Variants in ACACA observed in about 807,000 individuals in gnomAD.
ACACA encodes acetyl-CoA carboxylase alpha.
Under a neutral mutation model 296.1 loss-of-function variants are expected in ACACA, and 103 were observed. That is an observed-to-expected ratio of 0.35 (90% CI 0.30 to 0.41). The LOEUF is 0.41. Ranked by LOEUF, ACACA falls within the 10% of genes least tolerant of loss-of-function variation. ACACA has a pLI of 1.00. For missense variants in ACACA, 1,554 were observed against 2,989.7 expected (o/e 0.52, Z 11.20); for synonymous variants, 953 against 1,038.6 (o/e 0.92, Z 1.58).
At chr17:37,196,911 A>G (rs1049373610) in intron 35 of ACACA, among the ~76,000 whole-genome samples, 6 of 152,104 alleles carry the variant, frequency 3.9e-5, no homozygotes, top group East Asian at 1.9e-4. Context: ...CTTAACAAGT[A>G]GAATATATTT....
intron 24 of ACACA, among the ~76,000 whole-genome samples, chr17:37,235,975 A>G (rs1224475291): frequency 1.3e-5 from 2 of 152,174 alleles, no homozygotes; most frequent in African/African-American, 4.8e-5. Context: ...AAAACAGCTT[A>G]CCTCAGAATT....
intron 34 of ACACA, 99 bp downstream of exon 34, chr17:37,200,328 A>T (rs2078188415): frequency 7.2e-7 from 1 of 1,389,370 alleles, no homozygotes; most frequent in Admixed American, 1.7e-5. Context: ...ATTTCTCTGC[A>T]TAAATCCTAT....
chr17:37,130,013 T>G, intron 46 of ACACA, 62 bp downstream of exon 46: 554 of 1,588,846 alleles, frequency 3.5e-4, no homozygotes, highest in Non-Finnish European at 4.3e-4. Flanking sequence ...ACAGAGGCAG[T>G]GAGCTGTGGT....
At chr17:37,233,992 G>T (rs1053714310) in intron 25 of ACACA, among the ~76,000 whole-genome samples, 1 of 152,206 alleles carries the variant, frequency 6.6e-6, no homozygotes, top group African/African-American at 2.4e-5. Context: ...AACTGAATGA[G>T]TGGCACTCTT....
At chr17:37,389,380 G>C in intron 1 of ACACA, 3 of 1,562,002 alleles carry the variant, frequency 1.9e-6, no homozygotes, top group Non-Finnish European at 2.6e-6. Flanking sequence ...TTCTCTGTGT[G>C]GTTTATGTCA....
chr17:37,233,890 A>C (rs1185001780), intron 25 of ACACA, among the ~76,000 whole-genome samples: 1 of 152,138 alleles, frequency 6.6e-6, no homozygotes, highest in Admixed American at 6.5e-5. Flanking sequence ...CTAGGGTAGC[A>C]AAGGCAATGA....
intron 54 of ACACA, among the ~76,000 whole-genome samples, chr17:37,094,587 C>T (rs531740783): frequency 8.2e-6 from 1 of 122,240 alleles, no homozygotes; most frequent in South Asian, 2.9e-4. Flanking sequence ...CCCCCCCCCA[C>T]ACCAAACAGC....
At chr17:37,160,986 G>T (rs533038815) in intron 42 of ACACA, among the ~76,000 whole-genome samples, 3 of 152,196 alleles carry the variant, frequency 2.0e-5, no homozygotes, top group African/African-American at 7.2e-5. Flanking sequence ...GCTGAGCTAG[G>T]GTATAGGACA....
At chr17:37,359,431 C>T (rs1597703877) in intron 1 of ACACA, among the ~76,000 whole-genome samples, 1 of 141,736 alleles carries the variant, frequency 7.1e-6, no homozygotes, top group African/African-American at 2.8e-5. Flanking sequence ...GGGCGGGCCG[C>T]GGGCGGGCCC....
At chr17:37,258,139 G>A in intron 13 of ACACA, 73 bp downstream of exon 13, 1 of 1,538,148 alleles carries the variant, frequency 6.5e-7, no homozygotes, top group Admixed American at 1.7e-5. Context: ...TATTTCAGAA[G>A]TATACTTTCA....
chr17:37,174,017 TATA>T (rs1555573867), intron 41 of ACACA, among the ~76,000 whole-genome samples: 63 of 21,958 alleles, frequency 2.9e-3, no homozygotes, highest in East Asian at 8.0e-3. Context: ...TATATATATA[TATA>T]TTTTTTTTTT....
intron 37 of ACACA, 105 bp from the exon 38 acceptor site, chr17:37,191,380 C>A: frequency 8.8e-7 from 1 of 1,139,366 alleles, no homozygotes; most frequent in African/African-American, 1.5e-5. Context: ...TCATAAGGCA[C>A]TTGGTGAAGA....
intron 1 of ACACA, chr17:37,388,793 C>T: frequency 6.2e-7 from 1 of 1,613,114 alleles, no homozygotes; most frequent in South Asian, 1.1e-5. Context: ...GTCCCATGTC[C>T]TGTAAGTTTG....
intron 11 of ACACA, among the ~76,000 whole-genome samples, chr17:37,261,005 A>G (rs2081491678): frequency 6.6e-6 from 1 of 152,180 alleles, no homozygotes; most frequent in African/African-American, 2.4e-5. Flanking sequence ...ATGAGATGCT[A>G]GCTTAGCAAA....
intron 41 of ACACA, among the ~76,000 whole-genome samples, chr17:37,170,194 A>G (rs1350996648): frequency 1.3e-5 from 2 of 152,146 alleles, no homozygotes; most frequent in African/African-American, 4.8e-5. Context: ...GAAAAGAGCT[A>G]CAGTGAATAA....
intron 41 of ACACA, among the ~76,000 whole-genome samples, chr17:37,171,504 T>C (rs2076881939): frequency 6.6e-6 from 1 of 152,160 alleles, no homozygotes; most frequent in Non-Finnish European, 1.5e-5. Flanking sequence ...TAATAGAACA[T>C]TGATATCTGG....
chr17:37,099,208 T>G (rs2073172955), intron 52 of ACACA, among the ~76,000 whole-genome samples: 1 of 152,204 alleles, frequency 6.6e-6, no homozygotes, highest in Admixed American at 6.5e-5. Context: ...AGAGGAGGGA[T>G]GTAACTATAG....
chr17:37,127,865 A>C (rs998645524), intron 47 of ACACA, among the ~76,000 whole-genome samples: 19 of 147,776 alleles, frequency 1.3e-4, no homozygotes, highest in African/African-American at 4.2e-4. Flanking sequence ...AAGAAAAAGA[A>C]AAAAAAAAAG....
intron 45 of ACACA, chr17:37,140,985 C>G (rs1803963000): frequency 2.6e-6 from 1 of 387,406 alleles, no homozygotes; most frequent in African/African-American, 2.1e-5. Flanking sequence ...AGCCTCTGTG[C>G]ATGGGGACAA....
Sources: allele counts gnomAD v4.1 joint callset (sites outside exome capture counted in the v4.1 genomes callset), GRCh38; gene constraint gnomAD v4.1.1; transcripts MANE v1.5; gene names NCBI Gene and HGNC (gene_info 2026-07-23, HGNC 2026-07-21).